Variants in SLC17A9 observed in about 807,000 individuals in gnomAD.
SLC17A9 encodes voltage-gated purine nucleotide uniporter SLC17A9.
SLC17A9 carries 49 observed loss-of-function variants against 55.0 expected under a neutral mutation model. The observed-to-expected ratio is 0.89, with a 90% CI of 0.71 to 1.13. The LOEUF (loss-of-function observed/expected upper bound fraction) is 1.13, where lower values mean the gene tolerates loss of function less well. Ranked by LOEUF, SLC17A9 falls within the 50% of genes most tolerant of loss-of-function variation. The pLI is 0.00. For missense variants in SLC17A9, 526 were observed against 569.3 expected (o/e 0.92, Z 0.77); for synonymous variants, 256 against 247.4 (o/e 1.03, Z -0.32).
In SLC17A9 at chr20:62,966,598, C is replaced by A. The variant is rs776770149; in HGVS notation, c.1117+18C>A. Reference sequence around the variant, plus strand: ...TCTGTTTGGTGAGGACCTTGCCTTACCCCAGCTTTGCCCCTCCCTGGGCCT... The same window carrying A: ...TCTGTTTGGTGAGGACCTTGCCTTAACCCAGCTTTGCCCCTCCCTGGGCCT... On this transcript the variant is annotated intron_variant, in intron 11 of 12. Coordinates refer to ENST00000370351, the MANE Select transcript of SLC17A9 (RefSeq NM_022082.4). The A allele has an allele frequency of 6.2e-7, 1 of 1,613,584 alleles. No individual in the cohort carries two copies. The highest frequency in any genetic ancestry group is 8.5e-7 in the Non-Finnish European group (1 of 1,179,602).
intron 8 of SLC17A9, 28 bp from the exon 9 acceptor site, chr20:62,965,104 G>A (rs769242579): frequency 6.2e-7 from 1 of 1,613,888 alleles, no homozygotes; most frequent in East Asian, 2.2e-5. Context: ...GGGCTAACGG[G>A]AGCCCCTTCC....
chr20:62,967,654 C>A lies in SLC17A9; in HGVS notation c.*154C>A. On this transcript the variant is annotated 3_prime_UTR_variant, in exon 13 of 13. Transcript: ENST00000370351. The stretch of plus-strand genomic sequence containing the variant: ...CCTGAAGCTCCTTAAGAAGAGTCCA[C>A]AACAGCTGGTGGGAGGGTGGGGTGG... 1.8e-4 allele frequency: 41 copies of A among 223,342 alleles called. No homozygotes were observed. Among genetic ancestry groups the A allele is most frequent in the South Asian group, 5.4e-4 (11 of 20,312 alleles). 13.8% of individuals were successfully genotyped at this position (223,342 alleles called of 1,614,324 possible).
At position 62,958,354 on chromosome 20, in the gene SLC17A9, C is replaced by T. The variant is rs2065560394; in HGVS notation, c.397+774C>T. ...CTGGGTTTTGTGCATTTTGGTCACACGTATGCTGATGATGCCTCCGATACT... is the reference window on the plus strand; with the variant it reads ...CTGGGTTTTGTGCATTTTGGTCACATGTATGCTGATGATGCCTCCGATACT... On this transcript the variant is annotated intron_variant, in intron 3 of 12. Coordinates refer to ENST00000370351, the MANE Select transcript of SLC17A9 (RefSeq NM_022082.4). This position sits in a 1 kb window ranked among gnomAD's most constrained non-coding sequence, Gnocchi z 4.1. Among the ~76,000 whole-genome samples, 2 of 151,390 alleles carry T rather than the reference C, an allele frequency of 1.3e-5. No homozygotes were observed. Among genetic ancestry groups the T allele is most frequent in the Non-Finnish European group, 1.5e-5 (1 of 67,834 alleles).
At position 62,957,547 on chromosome 20, in the gene SLC17A9, A is replaced by T. The variant is rs764241029; in HGVS notation, c.364A>T (p.Thr122Ser). ...GAGCAGTGCCCACCTGGCCTTCATGACCTTCTCACGCATCCTCATGGGCTT... is the reference window on the plus strand; with the variant it reads ...GAGCAGTGCCCACCTGGCCTTCATGTCCTTCTCACGCATCCTCATGGGCTT... ...HLSSAHLAFM[T>S]FSRILMGLLQ... Residue 122 changes from threonine to serine, a missense_variant, in exon 3 of 13, where the codon ACC becomes TCC. Physicochemically the swap from Thr to Ser is moderately conservative, Grantham distance 58 (BLOSUM62 1). Coordinates refer to ENST00000370351, the MANE Select transcript of SLC17A9 (RefSeq NM_022082.4). The T allele has an allele frequency of 6.3e-7, 1 of 1,595,790 alleles. No individual in the cohort carries two copies.
intron 3 of SLC17A9, among the ~76,000 whole-genome samples, chr20:62,959,939 A>ACC (rs2065574936): frequency 6.6e-6 from 1 of 152,222 alleles, no homozygotes; most frequent in Non-Finnish European, 1.5e-5. Flanking sequence ...CCAAACTTCT[A>ACC]AAGCGGCTGA....
chr20:62,956,989 G>C (rs760469820), intron 2 of SLC17A9, 27 bp downstream of exon 2: 1 of 1,612,248 alleles, frequency 6.2e-7, no homozygotes, highest in Non-Finnish European at 8.5e-7. Flanking sequence ...CCCATCTCCT[G>C]GCTGGTGGGG....
In SLC17A9 at chr20:62,957,444, TG is replaced by T; in HGVS notation, c.266del (p.Gly89ValfsTer25). On this transcript the variant is annotated frameshift_variant, in exon 3 of 13. Coordinates refer to ENST00000370351, the MANE Select transcript of SLC17A9 (RefSeq NM_022082.4). LOFTEE classifies it high-confidence loss of function. The part of the protein sequence containing the change: ...VVGGHLGDRI[G>X]GEKVILLSAS... ...CCTCCCTCTGTCTTCCCTCCAGGATTGGGGGTGAGAAGGTCATCCTGCTGTC... is the reference window on the plus strand; with the variant it reads ...CCTCCCTCTGTCTTCCCTCCAGGATTGGGGTGAGAAGGTCATCCTGCTGTC... The T allele has an allele frequency of 6.3e-7, 1 of 1,583,996 alleles. No homozygotes were observed.
In SLC17A9 at chr20:62,963,266, C is replaced by T. The variant is rs115804061; in HGVS notation, c.629-7C>T. 1.3e-3 allele frequency: 2,151 copies of T among 1,613,136 alleles called. 24 individuals carry two copies. In the African/African-American group the frequency reaches 0.026, roughly 20 times the overall value. ...TAGCCATCAGTTTGAAACCGTTGCT[C>T]CCTCAGATCTCATCCTGGCCTTGGG... On this transcript the variant is annotated splice_polypyrimidine_tract_variant and splice_region_variant and intron_variant, in intron 5 of 12. Transcript: ENST00000370351.
chr20:62,956,955 G>T lies in SLC17A9; in HGVS notation c.250G>T (p.Gly84Trp). Residue 84 changes from glycine (G) to tryptophan (W), a missense_variant, in exon 2 of 13, where the codon GGG (glycine) becomes TGG (tryptophan). Gly to Trp is a radical substitution (Grantham distance 184). Transcript: ENST00000370351. ...GACACAGGTTGTGGGCGGCCACCTCGGGGATCGGTAACTGCCCATCTTCCC... is the reference window on the plus strand; with the variant it reads ...GACACAGGTTGTGGGCGGCCACCTCTGGGATCGGTAACTGCCCATCTTCCC... ...CLTQVVGGHL[G>W]DRIGGEKVIL... 2 of 1,613,308 alleles carry T rather than the reference G, an allele frequency of 1.2e-6. No individual in the cohort carries two copies. Among genetic ancestry groups the T allele is most frequent in the Non-Finnish European group, 1.7e-6 (2 of 1,179,992 alleles).
At chr20:62,953,275 AGGGGGCAC>A (rs2065507510) in intron 1 of SLC17A9, 2 of 1,549,534 alleles carry the variant, frequency 1.3e-6, no homozygotes, top group Non-Finnish European at 1.7e-6. Flanking sequence ...GAGGCCAGGT[AGGGGGCAC>A]GGGCTGGAGC....
At position 62,963,940 on chromosome 20, in the gene SLC17A9, G is replaced by A. The variant is rs2065612301; in HGVS notation, c.822+260G>A. ...CTGCAGCCCTCCCAGCCCTCATCGTGACCTGCTGGCCCACAGAACCCGACT... is the reference window on the plus strand; with the variant it reads ...CTGCAGCCCTCCCAGCCCTCATCGTAACCTGCTGGCCCACAGAACCCGACT... On this transcript the variant is annotated intron_variant, in intron 7 of 12. Coordinates refer to ENST00000370351, the MANE Select transcript of SLC17A9 (RefSeq NM_022082.4). 1.3e-5 allele frequency: 8 copies of A among 596,636 alleles called. No homozygotes were observed. In the South Asian group the frequency reaches 1.6e-4, roughly 12 times the overall value. The allele number at this position is 596,636 out of a possible 1,614,324, so 37.0% of individuals were successfully genotyped here.
intron 3 of SLC17A9, among the ~76,000 whole-genome samples, chr20:62,959,576 G>A (rs970332442): frequency 3.3e-5 from 5 of 152,258 alleles, no homozygotes; most frequent in Non-Finnish European, 5.9e-5. Context: ...GGCTCTTGCT[G>A]CGGGGCATCG....
chr20:62,963,040 G>A (rs1024788876), intron 5 of SLC17A9: 12 of 634,914 alleles, frequency 1.9e-5, no homozygotes, highest in African/African-American at 1.5e-4. Flanking sequence ...GGGTGGCCAG[G>A]GGGCTCTGGA....
In SLC17A9 at chr20:62,963,624, T is replaced by C. The variant is rs1377176315; in HGVS notation, c.766T>C (p.Phe256Leu). The C allele has an allele frequency of 2.5e-6, 4 of 1,603,734 alleles. No homozygotes were observed. In the African/African-American group the frequency reaches 5.3e-5, roughly 21 times the overall value. ...VSQLSAACSF[F>L]ILLSWLPTFF... ...CCAGCTCTCTGCAGCCTGCTCCTTC[T>C]TCATCCTCCTCTCCTGGCTGCCCAC... The change falls in exon 7 of 13, where the codon TTC (phenylalanine) becomes CTC (leucine). Residue 256 changes from phenylalanine (F) to leucine (L), a missense_variant. Coordinates refer to ENST00000370351, the MANE Select transcript of SLC17A9 (RefSeq NM_022082.4).
rs577909634 is a variant in SLC17A9, at chr20:62,963,664, C to T, written c.806C>T (p.Thr269Ile). 14 of 1,598,166 alleles carry T rather than the reference C, an allele frequency of 8.8e-6. No homozygotes were observed. In the South Asian group the frequency reaches 1.0e-4, roughly 12 times the overall value. ...TGGCTGCCCACCTTCTTCGAGGAGA[C>T]CTTCCCCGACGCCAAGGTGAGTCGG... ...LSWLPTFFEE[T>I]FPDAKGWIFN... The change falls in exon 7 of 13, where the codon ACC becomes ATC. Residue 269 changes from threonine (T) to isoleucine (I), a missense_variant. Transcript: ENST00000370351.
At position 62,960,566 on chromosome 20, in the gene SLC17A9, T is replaced by A; in HGVS notation, c.460T>A (p.Phe154Ile). 1 of 1,613,598 alleles carries A rather than the reference T, an allele frequency of 6.2e-7. No homozygotes were observed. The highest frequency in any genetic ancestry group is 8.5e-7 in the Non-Finnish European group (1 of 1,179,986). Residue 154 changes from phenylalanine (F) to isoleucine (I), a missense_variant, in exon 4 of 13, where the codon TTC (phenylalanine) becomes ATC (isoleucine). Coordinates refer to ENST00000370351, the MANE Select transcript of SLC17A9 (RefSeq NM_022082.4). ...SQKVRESERAFTYSIVGAGSQ... is the reference protein window; with the variant it reads ...SQKVRESERAITYSIVGAGSQ... Reference sequence around the variant, plus strand: ...GAAGGTGCGGGAGAGTGAGCGAGCCTTCACCTACAGCATCGTGGGCGCCGG... The same window carrying A: ...GAAGGTGCGGGAGAGTGAGCGAGCCATCACCTACAGCATCGTGGGCGCCGG...
chr20:62,954,746 G>A (rs2065521577), intron 1 of SLC17A9, among the ~76,000 whole-genome samples: 1 of 152,228 alleles, frequency 6.6e-6, no homozygotes, highest in African/African-American at 2.4e-5. Context: ...TCAGAGAAGG[G>A]GCTGTGGCTG....
At position 62,968,162 on chromosome 20, in the gene SLC17A9, A is replaced by AC. The variant is rs1290057501; in HGVS notation, c.*667dup. The AC allele has an allele frequency of 6.6e-6, 1 of 150,946 alleles. No homozygotes were observed. Among genetic ancestry groups the AC allele is most frequent in the South Asian group, 2.1e-4 (1 of 4,738 alleles). 9.4% of individuals were successfully genotyped at this position (150,946 alleles called of 1,614,324 possible). ...TGTGTCTCCTAGAAGCCTGACAGAG[A>AC]CCCCCAGGGCAGTGGGTGGGTGGCG... is the stretch of plus-strand genomic sequence containing the variant. On this transcript the variant is annotated 3_prime_UTR_variant, in exon 13 of 13. Transcript: ENST00000370351.
At position 62,965,126 on chromosome 20, in the gene SLC17A9, CT is replaced by C; in HGVS notation, c.911-5del. 6.2e-7 allele frequency: 1 copy of C among 1,613,956 alleles called. No homozygotes were observed. The highest frequency in any genetic ancestry group is 2.2e-5 in the East Asian group (1 of 44,894). ...CGGGAGCCCCTTCCTTGGCCTCCCC[CT>C]GTAGGTTACAGAGCCATCACGGTGC... On this transcript the variant is annotated splice_region_variant and splice_polypyrimidine_tract_variant and intron_variant, in intron 8 of 12. Transcript: ENST00000370351.
Sources: allele counts gnomAD v4.1 joint callset (sites outside exome capture counted in the v4.1 genomes callset), GRCh38; gene constraint gnomAD v4.1.1; non-coding constraint Gnocchi (gnomAD v3.1); transcripts MANE v1.5; gene names NCBI Gene and HGNC (gene_info 2026-07-23, HGNC 2026-07-21).